The following SCNN1B variants were observed in gnomAD, a reference collection of about 807,000 sequenced individuals.
The protein encoded by SCNN1B is epithelial sodium channel subunit beta.
SCNN1B carries 46 observed loss-of-function variants against 65.3 expected under a neutral mutation model. The ratio of observed to expected loss-of-function variants is 0.70; its 90% CI spans 0.56 to 0.90. The LOEUF (loss-of-function observed/expected upper bound fraction) is 0.90. SCNN1B is among the 40% of genes least tolerant of loss of function. The pLI, the probability that SCNN1B is intolerant of heterozygous loss-of-function variation, is 0.00. For synonymous variants in SCNN1B, 349 were observed against 330.6 expected (o/e 1.06, Z -0.60); for missense variants, 751 against 830.5 (o/e 0.90, Z 1.18).
upstream of SCNN1B, among the ~76,000 whole-genome samples, chr16:23,299,922 C>G (rs1961049960): frequency 6.6e-6 from 1 of 152,162 alleles, no homozygotes. Flanking sequence ...TTCACAATAG[C>G]AAAGACTTGG....
intron 1 of SCNN1B, among the ~76,000 whole-genome samples, chr16:23,305,268 T>C (rs1465398673): frequency 6.6e-6 from 1 of 151,942 alleles, no homozygotes; most frequent in East Asian, 1.9e-4. Context: ...AAAGAAGGCC[T>C]GTGGACTTTT....
intron 4 of SCNN1B, chr16:23,359,409 C>T (rs1180540343): frequency 2.0e-5 from 3 of 152,320 alleles, no homozygotes; most frequent in East Asian, 3.9e-4. Flanking sequence ...ATTTCCCCAG[C>T]CCTCGGCAGG....
chr16:23,345,962 T>C (rs1234188822), intron 1 of SCNN1B, among the ~76,000 whole-genome samples: 2 of 152,136 alleles, frequency 1.3e-5, no homozygotes, highest in African/African-American at 4.8e-5. Context: ...TGCCGCAGGT[T>C]CCTGCTCTGT....
chr16:23,301,990 G>C (rs1362091175), upstream of SCNN1B, among the ~76,000 whole-genome samples: 1 of 152,142 alleles, frequency 6.6e-6, no homozygotes, highest in East Asian at 1.9e-4. Flanking sequence ...GTGGGATGGA[G>C]TGTTCATATA....
At chr16:23,336,617 A>G (rs998464416) in intron 1 of SCNN1B, among the ~76,000 whole-genome samples, 1 of 151,764 alleles carries the variant, frequency 6.6e-6, no homozygotes, top group African/African-American at 2.4e-5. Flanking sequence ...TGATCTGCCC[A>G]CCTCGGCCTC....
At chr16:23,376,859 C>T (rs1032952463) in intron 8 of SCNN1B, among the ~76,000 whole-genome samples, 2 of 151,966 alleles carry the variant, frequency 1.3e-5, no homozygotes, top group Non-Finnish European at 2.9e-5. Context: ...AATGGGAAAA[C>T]GTTATTCCTT....
At chr16:23,342,585 C>T (rs913407323) in intron 1 of SCNN1B, among the ~76,000 whole-genome samples, 1 of 152,084 alleles carries the variant, frequency 6.6e-6, no homozygotes, top group Admixed American at 6.6e-5. Flanking sequence ...AATCTTTTGG[C>T]TTCCCTGGAC....
chr16:23,361,834 C>G (rs1962559186), intron 4 of SCNN1B, among the ~76,000 whole-genome samples: 1 of 152,076 alleles, frequency 6.6e-6, no homozygotes, highest in Non-Finnish European at 1.5e-5. Context: ...TGGGATCTCA[C>G]TCTGTTGTCC....
intron 1 of SCNN1B, among the ~76,000 whole-genome samples, chr16:23,306,790 T>C (rs557168563): frequency 2.4e-4 from 36 of 152,284 alleles, no homozygotes; most frequent in Non-Finnish European, 4.4e-4. Context: ...TAAGAAGTGA[T>C]GTAGTCTGTT....
chr16:23,321,588 C>A (rs1961588549), intron 1 of SCNN1B, among the ~76,000 whole-genome samples: 1 of 152,128 alleles, frequency 6.6e-6, no homozygotes, highest in Non-Finnish European at 1.5e-5. Context: ...GCAGAGTGAC[C>A]TTGGGCAGCT....
intron 4 of SCNN1B, among the ~76,000 whole-genome samples, chr16:23,363,300 G>A (rs1962588551): frequency 6.6e-6 from 1 of 152,192 alleles, no homozygotes; most frequent in Non-Finnish European, 1.5e-5. Context: ...GTATTATCTG[G>A]TGTTACAAAT....
chr16:23,331,700 A>G (rs1961815505), intron 1 of SCNN1B, among the ~76,000 whole-genome samples: 1 of 152,128 alleles, frequency 6.6e-6, no homozygotes, highest in Non-Finnish European at 1.5e-5. Flanking sequence ...TCATTTCAAC[A>G]TATGAATTCA....
In SCNN1B at chr16:23,375,761, A is replaced by G. The variant is rs753347601; in HGVS notation, c.1176A>G (p.Gln392=). The G allele has an allele frequency of 6.2e-7, 1 of 1,614,030 alleles. No homozygotes were observed. Among genetic ancestry groups the G allele is most frequent in the South Asian group, 1.1e-5 (1 of 91,080 alleles). The change falls in exon 8 of 13, where the codon CAA becomes CAG. Residue 392 remains glutamine, a synonymous_variant. Transcript: ENST00000343070. ...SIQACLRSCF[Q]DHMIRNCNCG... ...AGGCCTGTCTTCGCTCCTGCTTCCA[A>G]GACCACATGATCCGTAACTGCAACT... is the stretch of plus-strand genomic sequence containing the variant.
rs1450928864 is a variant in SCNN1B, at chr16:23,355,305, C to T, written c.592C>T (p.Leu198Phe). 2 of 1,614,072 alleles carry T rather than the reference C, an allele frequency of 1.2e-6. No homozygotes were observed. Among genetic ancestry groups the T allele is most frequent in the Non-Finnish European group, 1.7e-6 (2 of 1,180,036 alleles). The change falls in exon 4 of 13, where the codon CTC (leucine) becomes TTC (phenylalanine). Residue 198 changes from leucine to phenylalanine, a missense_variant. Leu to Phe is a conservative substitution (Grantham distance 22). Transcript: ENST00000343070. ...GCKMAMRLCS[L>F]NRTQCTFRNF... ...CCCCTCTTGGCCTCCACAGTGTAGC[C>T]TCAACAGGACCCAGTGTACCTTCCG...
chr16:23,370,132 G>A (rs1017635768), intron 5 of SCNN1B, among the ~76,000 whole-genome samples: 17 of 151,876 alleles, frequency 1.1e-4, no homozygotes, highest in Non-Finnish European at 2.4e-4. Flanking sequence ...TTGATATGGA[G>A]TTTTGCTCTG....
chr16:23,380,747 G>A lies in SCNN1B; in HGVS notation c.1869G>A (p.Leu623=), dbSNP rs781204308. 1.9e-6 allele frequency: 3 copies of A among 1,612,514 alleles called. No individual in the cohort carries two copies. Among genetic ancestry groups the A allele is most frequent in the Non-Finnish European group, 2.5e-6 (3 of 1,179,920 alleles). The change falls in exon 13 of 13, where the codon CTG becomes CTA. Residue 623 remains leucine, a synonymous_variant. Coordinates refer to ENST00000343070, the MANE Select transcript of SCNN1B (RefSeq NM_000336.3). This position sits in a 1 kb window ranked among gnomAD's most constrained non-coding sequence, Gnocchi z 5.4. The stretch of plus-strand genomic sequence containing the variant: ...CCCCGCCCCCCAACTATGACTCCCT[G>A]CGTCTGCAGCCGCTGGACGTCATCG... ...PGTPPPNYDS[L]RLQPLDVIES... is the part of the protein sequence containing the mutation.
intron 5 of SCNN1B, among the ~76,000 whole-genome samples, chr16:23,370,524 G>A (rs1962760948): frequency 1.3e-5 from 2 of 152,190 alleles, no homozygotes; most frequent in East Asian, 1.9e-4. Flanking sequence ...ACCGTGGTGC[G>A]TGGGAGACTG....
At chr16:23,378,867 C>A (rs1962970193) in intron 11 of SCNN1B, 100 bp downstream of exon 11, 1 of 1,137,746 alleles carries the variant, frequency 8.8e-7, no homozygotes, top group Non-Finnish European at 1.3e-6. Context: ...CACATTCTCA[C>A]ATGGGTCAGA....
At chr16:23,286,951 T>G (rs542184403) in intron 2 of SCNN1B, among the ~76,000 whole-genome samples, 40 of 151,930 alleles carry the variant, frequency 2.6e-4, no homozygotes, top group African/African-American at 8.0e-4. Context: ...TATTTAGTTT[T>G]TTGTTGTTGT....
Sources: allele counts gnomAD v4.1 joint callset (sites outside exome capture counted in the v4.1 genomes callset), GRCh38; gene constraint gnomAD v4.1.1; non-coding constraint Gnocchi (gnomAD v3.1); transcripts MANE v1.5; gene names NCBI Gene and HGNC (gene_info 2026-07-23, HGNC 2026-07-21).